The following GP2 variants were observed in gnomAD, a reference collection of about 807,000 sequenced individuals.
The protein encoded by GP2 is glycoprotein 2.
GP2 carries 58 observed loss-of-function variants against 60.8 expected under a neutral mutation model. That is an observed-to-expected ratio of 0.95 (90% CI 0.77 to 1.19). The LOEUF (loss-of-function observed/expected upper bound fraction) is 1.19, where lower values mean the gene tolerates loss of function less well. Ranked by LOEUF, GP2 falls within the 50% of genes most tolerant of loss-of-function variation. The probability of loss-of-function intolerance (pLI) is 0.00; values close to 1 mark genes in which losing one functional copy is unlikely to be tolerated. For synonymous variants in GP2, 280 were observed against 253.4 expected (o/e 1.10, Z -1.00); for missense variants, 647 against 667.4 (o/e 0.97, Z 0.34).
chr16:20,319,660 T>C lies in GP2; in HGVS notation c.967A>G (p.Met323Val), dbSNP rs1964287580. ...AAGGCAGCTTGGAGGCTGACTTTCA[T>C]GTCCAGTGGGTAGGCACATTGGAAG... is the stretch of plus-strand genomic sequence containing the variant. ...INFQCAYPLD[M>V]KVSLQAALQP... Residue 323 changes from methionine to valine, a missense_variant, in exon 6 of 11, where the codon ATG becomes GTG. Coordinates refer to ENST00000302555, the MANE Select transcript of GP2 (RefSeq NM_001502.4). 6.2e-7 allele frequency: 1 copy of C among 1,611,254 alleles called. No individual in the cohort carries two copies. The highest frequency in any genetic ancestry group is 1.3e-5 in the African/African-American group (1 of 74,886).
chr16:20,323,115 G>A (rs891082583), intron 3 of GP2, 136 bp from the exon 4 acceptor site: 7 of 629,530 alleles, frequency 1.1e-5, no homozygotes, highest in Non-Finnish European at 2.0e-5. Context: ...GAAGCATCAA[G>A]CCTGACTCCC....
At chr16:20,327,252 A>C in intron 1 of GP2, 3 of 335,122 alleles carry the variant, frequency 9.0e-6, no homozygotes, top group South Asian at 5.0e-5. Flanking sequence ...GGGACAAGGA[A>C]GAGGGTGGCG....
chr16:20,319,809 T>G, intron 5 of GP2, 41 bp from the exon 6 acceptor site: 1 of 1,514,940 alleles, frequency 6.6e-7, no homozygotes, highest in East Asian at 2.3e-5. Flanking sequence ...TTTATGTGTA[T>G]GTGTATGTAG....
At position 20,320,756 on chromosome 16, in the gene GP2, C is replaced by G. The variant is rs116874848; in HGVS notation, c.647-283G>C. On this transcript the variant is annotated intron_variant, in intron 4 of 10. Coordinates refer to ENST00000302555, the MANE Select transcript of GP2 (RefSeq NM_001502.4). ...AGGCAGGATGGACTTGCATTCCATA[C>G]TAGAATCAAAGTTAGATATATGCTA... Among the ~76,000 whole-genome samples the G allele has an allele frequency of 1.4e-3, 219 of 152,262 alleles. 1 individual carries two copies. The highest frequency in any genetic ancestry group is 0.014 in the South Asian group (66 of 4,830).
intron 3 of GP2, chr16:20,323,610 G>A (rs4393582): frequency 0.99 from 597,470 of 601,308 alleles, 297,071 homozygotes; most frequent in Middle Eastern, 1. Context: ...TTTATAAACT[G>A]GGAAATTTCA....
In GP2 at chr16:20,324,209, A is replaced by T; in HGVS notation, c.142T>A (p.Cys48Ser). ...GCCTCTGGGGTGCCAGGAGCTCCGCAGTCCAGGTCCAGCCCATACGAACTG... is the reference window on the plus strand; with the variant it reads ...GCCTCTGGGGTGCCAGGAGCTCCGCTGTCCAGGTCCAGCCCATACGAACTG... ...EASSYGLDLD[C>S]GAPGTPEAHV... The change falls in exon 3 of 11, where the codon TGC becomes AGC. Residue 48 changes from cysteine (C) to serine (S), a missense_variant. Transcript: ENST00000302555. 6.2e-7 allele frequency: 1 copy of T among 1,613,556 alleles called. No homozygotes were observed. The highest frequency in any genetic ancestry group is 8.5e-7 in the Non-Finnish European group (1 of 1,179,482).
Position 20,311,191 on chromosome 16 carries a change from C to A in GP2, c.*32G>T, listed in dbSNP as rs1963984119. 7 of 1,493,864 alleles carry A rather than the reference C, an allele frequency of 4.7e-6. No homozygotes were observed. Among genetic ancestry groups the A allele is most frequent in the African/African-American group, 1.4e-5 (1 of 72,674 alleles). 92.5% of individuals were successfully genotyped at this position (1,493,864 alleles called of 1,614,324 possible). A position where few individuals can be genotyped will look rare whatever the true frequency, so the allele number is the denominator to read the frequency against. ...GGAGCCATTGCCAGAGGGAAGAACA[C>A]AAACTTCAAGGCCAGATGCTCAGCG... On this transcript the variant is annotated 3_prime_UTR_variant, in exon 11 of 11. Coordinates refer to ENST00000302555, the MANE Select transcript of GP2 (RefSeq NM_001502.4).
chr16:20,319,883 T>G (rs927197647), intron 5 of GP2, 115 bp from the exon 6 acceptor site: 6 of 813,270 alleles, frequency 7.4e-6, no homozygotes, highest in East Asian at 2.4e-5. Context: ...CCACCCTACC[T>G]TCTGAGCTCA....
intron 4 of GP2, 115 bp downstream of exon 4, chr16:20,322,754 G>A: frequency 1.6e-6 from 1 of 622,910 alleles, no homozygotes; most frequent in Non-Finnish European, 2.9e-6. Context: ...ACATTCCCTT[G>A]ACCTCAGGTC....
At chr16:20,316,076 T>G (rs1158857930) in intron 8 of GP2, 36 bp from the exon 9 acceptor site, 1 of 1,333,598 alleles carries the variant, frequency 7.5e-7, no homozygotes, top group African/African-American at 1.4e-5. Flanking sequence ...TATCAAAATT[T>G]AAATGCCTGG....
At position 20,317,240 on chromosome 16, in the gene GP2, A is replaced by G. The variant is rs1050453154; in HGVS notation, c.1389T>C (p.Cys463=). The change falls in exon 8 of 11, where the codon TGT becomes TGC. Residue 463 remains cysteine (C), a synonymous_variant. Coordinates refer to ENST00000302555, the MANE Select transcript of GP2 (RefSeq NM_001502.4). ...GCTGGCACTGTTCATTAAGAGAATCACAGAGATGAATCTCACAATGCAGGA... is the reference window on the plus strand; with the variant it reads ...GCTGGCACTGTTCATTAAGAGAATCGCAGAGATGAATCTCACAATGCAGGA... ...LVFLHCEIHL[C]DSLNEQCQPS... The G allele has an allele frequency of 6.8e-6, 11 of 1,613,480 alleles. No individual in the cohort carries two copies. Among genetic ancestry groups the G allele is most frequent in the Non-Finnish European group, 9.3e-6 (11 of 1,179,632 alleles).
Position 20,309,750 on chromosome 16 carries a change from C to T in GP2, c.*1473G>A, listed in dbSNP as rs1469600669. ...TGGTTTCTTTTGGCTTGCCAGGCCC[C>T]ACTCCCGGAGCTTGTGCAGCCTGGA... On this transcript the variant is annotated 3_prime_UTR_variant, in exon 11 of 11. Transcript: ENST00000302555. 3 of 150,834 alleles carry T rather than the reference C, an allele frequency of 2.0e-5. No homozygotes were observed. The highest frequency in any genetic ancestry group is 4.4e-5 in the Non-Finnish European group (3 of 67,914). The allele number at this position is 150,834 out of a possible 1,614,324, so 9.3% of individuals were successfully genotyped here. A position where few individuals can be genotyped will look rare whatever the true frequency, so the allele number is the denominator to read the frequency against.
At position 20,311,283 on chromosome 16, in the gene GP2, T is replaced by C. The variant is rs1355790036; in HGVS notation, c.1547-2A>G. The C allele has an allele frequency of 3.8e-6, 6 of 1,594,216 alleles. No homozygotes were observed. Among genetic ancestry groups the C allele is most frequent in the Non-Finnish European group, 5.2e-6 (6 of 1,162,198 alleles). ...CCATAGGCCAGGCCACCAGGAACCCTGAAATACAAGAAATATGACTGTCAA... is the reference window on the plus strand; with the variant it reads ...CCATAGGCCAGGCCACCAGGAACCCCGAAATACAAGAAATATGACTGTCAA... On this transcript the variant is annotated splice_acceptor_variant, in intron 10 of 10. Coordinates refer to ENST00000302555, the MANE Select transcript of GP2 (RefSeq NM_001502.4). LOFTEE classifies it high-confidence loss of function.
chr16:20,317,099 C>T, intron 8 of GP2, 114 bp downstream of exon 8: 1 of 153,868 alleles, frequency 6.5e-6, no homozygotes, highest in South Asian at 1.9e-4. Flanking sequence ...CCCTCCCTTT[C>T]CCCTCCCTCC....
At chr16:20,319,478 C>G in intron 6 of GP2, 142 bp downstream of exon 6, 1 of 645,710 alleles carries the variant, frequency 1.5e-6, no homozygotes, top group Non-Finnish European at 2.8e-6. Context: ...TCAATGAATA[C>G]TTGTGGAATG....
intron 8 of GP2, 146 bp from the exon 9 acceptor site, chr16:20,316,186 C>T (rs918362874): frequency 3.6e-6 from 2 of 557,046 alleles, no homozygotes; most frequent in African/African-American, 1.9e-5. Flanking sequence ...GTGGTTATCT[C>T]AATCTAGAAA....
At position 20,319,740 on chromosome 16, in the gene GP2, T is replaced by A. The variant is rs1458211463; in HGVS notation, c.887A>T (p.Asn296Ile). 2 of 1,612,860 alleles carry A rather than the reference T, an allele frequency of 1.2e-6. No individual in the cohort carries two copies. The highest frequency in any genetic ancestry group is 1.3e-5 in the African/African-American group (1 of 74,996). ...ERNQTHAIYK[N>I]TLSLVNDFII... ...GAAATCATTGACCAAGGAGAGGGTG[T>A]TTTTGTAGATGGCATGGGTTTGATT... Residue 296 changes from asparagine (N) to isoleucine (I), a missense_variant, in exon 6 of 11, where the codon AAC (asparagine) becomes ATC (isoleucine). By Grantham distance (149) the Asn-to-Ile change is moderately radical. Coordinates refer to ENST00000302555, the MANE Select transcript of GP2 (RefSeq NM_001502.4).
Position 20,323,865 on chromosome 16 carries a change from A to T in GP2, c.486T>A (p.His162Gln). The T allele has an allele frequency of 6.2e-7, 1 of 1,613,938 alleles. No homozygotes were observed. Among genetic ancestry groups the T allele is most frequent in the South Asian group, 1.1e-5 (1 of 91,066 alleles). Residue 162 changes from histidine to glutamine, a missense_variant, in exon 3 of 11, where the codon CAT (histidine) becomes CAA (glutamine). His to Gln is a conservative substitution (Grantham distance 24). Transcript: ENST00000302555. ...VLVKACPGGY[H>Q]VYRLEGTPWC... ...AGGGAGTGCCTTCCAACCGGTACACATGGTACCCGCCTGGGCAGGCCTTCA... is the reference window on the plus strand; with the variant it reads ...AGGGAGTGCCTTCCAACCGGTACACTTGGTACCCGCCTGGGCAGGCCTTCA...
chr16:20,319,890 C>T (rs914789663), intron 5 of GP2, 122 bp from the exon 6 acceptor site: 12 of 776,766 alleles, frequency 1.5e-5, no homozygotes, highest in African/African-American at 6.9e-5. Flanking sequence ...ACCTTCTGAG[C>T]TCATGGAGGT....
Sources: gnomAD v4.1 joint callset for allele counts (sites outside exome capture counted in the v4.1 genomes callset) on GRCh38, gnomAD v4.1.1 for gene constraint, MANE v1.5 for transcripts, NCBI Gene and HGNC (gene_info 2026-07-23, HGNC 2026-07-21) for gene names.